Variants in CBFA2T2 observed in about 807,000 individuals in gnomAD.
The protein encoded by CBFA2T2 is protein CBFA2T2.
Under a neutral mutation model 62.2 loss-of-function variants are expected in CBFA2T2, and 11 were observed. The observed-to-expected ratio is 0.18, with a 90% CI of 0.11 to 0.29. CBFA2T2 has a LOEUF of 0.29. CBFA2T2 is among the 10% of genes least tolerant of loss of function. CBFA2T2 has a pLI of 1.00. For synonymous variants in CBFA2T2, 295 were observed against 287.5 expected (o/e 1.03, Z -0.27); for missense variants, 592 against 774.1 (o/e 0.76, Z 2.79).
rs1426753655 is a variant in CBFA2T2 at position 33,629,899 on chromosome 20, G to C, written c.1213G>C (p.Asp405His). ...VSRQHSPGSA[D>H]SLSNDSQREF... The stretch of plus-strand genomic sequence containing the variant: ...CAGGCAGCACAGCCCTGGGAGTGCA[G>C]ATTCTCTCAGCAATGGTAAGGGGAG... Residue 405 changes from aspartate to histidine, a missense_variant, in exon 8 of 11, where the codon GAT (aspartate) becomes CAT (histidine). Transcript: ENST00000342704. 1.2e-6 allele frequency: 2 copies of C among 1,612,554 alleles called. No individual in the cohort carries two copies. The highest frequency in any genetic ancestry group is 4.5e-5 in the East Asian group (2 of 44,894).
intron 1 of CBFA2T2, among the ~76,000 whole-genome samples, chr20:33,581,766 A>T (rs2146914558): frequency 6.6e-6 from 1 of 152,322 alleles, no homozygotes. Context: ...TCAAACCCAG[A>T]ATGAAAAGTT....
chr20:33,632,885 A>C (rs992952243), intron 8 of CBFA2T2, among the ~76,000 whole-genome samples: 1 of 152,140 alleles, frequency 6.6e-6, no homozygotes, highest in Admixed American at 6.5e-5. Flanking sequence ...TAGCCTCCCA[A>C]GTAGCTGAGA....
rs1394150908 is a variant in CBFA2T2 at position 33,646,890 on chromosome 20, GAATTTCAAGTCCCT to G, written c.*2250_*2263del. 1 of 141,688 alleles carries G rather than the reference GAATTTCAAGTCCCT, an allele frequency of 7.1e-6. No homozygotes were observed. The highest frequency in any genetic ancestry group is 1.5e-5 in the Non-Finnish European group (1 of 64,942). 8.8% of individuals were successfully genotyped at this position (141,688 alleles called of 1,614,324 possible). ...AAAAAAAAAAAAAGGCAAAATTAAA[GAATTTCAAGTCCCT>G]AATTTACTCTAACCAAGCATTTTCA... On this transcript the variant is annotated 3_prime_UTR_variant, in exon 11 of 11. Transcript: ENST00000342704.
intron 1 of CBFA2T2, among the ~76,000 whole-genome samples, chr20:33,492,023 C>T (rs1430575886): frequency 6.6e-6 from 1 of 152,008 alleles, no homozygotes; most frequent in Non-Finnish European, 1.5e-5. Context: ...GCTGCGATTA[C>T]AGGCGCCTGC....
intron 2 of CBFA2T2, among the ~76,000 whole-genome samples, chr20:33,607,949 A>G (rs765047847): frequency 1.3e-4 from 20 of 152,194 alleles, no homozygotes; most frequent in Admixed American, 3.9e-4. Context: ...AACACCCAAT[A>G]CAGTACCATT....
At chr20:33,552,016 T>C (rs1462897010) in intron 1 of CBFA2T2, among the ~76,000 whole-genome samples, 3 of 151,964 alleles carry the variant, frequency 2.0e-5, no homozygotes, top group African/African-American at 7.2e-5. Context: ...GACTCAAACA[T>C]CAGAATTGTT....
At chr20:33,565,138 C>T (rs1434306291) in intron 1 of CBFA2T2, among the ~76,000 whole-genome samples, 1 of 152,146 alleles carries the variant, frequency 6.6e-6, no homozygotes, top group African/African-American at 2.4e-5. Context: ...CCAGGATGGT[C>T]TCGATCTCCT....
intron 1 of CBFA2T2, among the ~76,000 whole-genome samples, chr20:33,537,821 T>C (rs1284439402): frequency 6.6e-6 from 1 of 152,226 alleles, no homozygotes. Flanking sequence ...GTGGGTCTGT[T>C]TCTGGACTCT....
chr20:33,530,331 A>C (rs2012020973), intron 1 of CBFA2T2, among the ~76,000 whole-genome samples: 1 of 152,236 alleles, frequency 6.6e-6, no homozygotes, highest in South Asian at 2.1e-4. Context: ...CCTCACTGTC[A>C]TAATGAGAGC....
chr20:33,611,043 G>T (rs185098387), intron 2 of CBFA2T2, 51 bp from the exon 3 acceptor site: 1,697 of 1,598,872 alleles, frequency 1.1e-3, no homozygotes, highest in Non-Finnish European at 1.4e-3. Context: ...ATGAACAAAG[G>T]TTCCCTTGTT....
At chr20:33,618,101 C>T (rs530146067) in intron 3 of CBFA2T2, among the ~76,000 whole-genome samples, 2 of 151,964 alleles carry the variant, frequency 1.3e-5, no homozygotes, top group East Asian at 3.9e-4. Flanking sequence ...TACCCCCTCC[C>T]TGCATAAGCA....
rs116462839 is a variant in CBFA2T2 at position 33,558,791 on chromosome 20, T to A, written c.35-48165T>A. Among the ~76,000 whole-genome samples the A allele has an allele frequency of 5.1e-3, 776 of 151,982 alleles. 6 individuals are homozygous for A. The highest frequency in any genetic ancestry group is 0.018 in the African/African-American group (733 of 41,304). On this transcript the variant is annotated intron_variant, in intron 1 of 10. Coordinates refer to ENST00000342704, the MANE Select transcript of CBFA2T2 (RefSeq NM_001032999.3). ...ATTTTGTCATTTACTAGTTGGATTA[T>A]TTCAATAGAGATCAATTTTTCGCCA...
intron 1 of CBFA2T2, among the ~76,000 whole-genome samples, chr20:33,507,876 G>A (rs1600908363): frequency 6.6e-6 from 1 of 152,128 alleles, no homozygotes; most frequent in African/African-American, 2.4e-5. Flanking sequence ...GATAGATGTT[G>A]CCAGAATACC....
intron 1 of CBFA2T2, 145 bp from the exon 2 acceptor site, chr20:33,606,811 G>C (rs539215631): frequency 1.1e-4 from 75 of 658,804 alleles, no homozygotes; most frequent in African/African-American, 1.1e-3. Context: ...CCAGATGTTG[G>C]GATGTGGACA....
In CBFA2T2 at chr20:33,509,231, G is replaced by T. The variant is rs146152711; in HGVS notation, c.34+18930G>T. On this transcript the variant is annotated intron_variant, in intron 1 of 10. Coordinates refer to ENST00000342704, the MANE Select transcript of CBFA2T2 (RefSeq NM_001032999.3). Reference sequence around the variant, plus strand: ...AAATTACAAAAATTATCTGGGTGTGGTGGCACACACCTGTAGTCCTAGCTA... The same window carrying T: ...AAATTACAAAAATTATCTGGGTGTGTTGGCACACACCTGTAGTCCTAGCTA... 6.2e-3 allele frequency among the ~76,000 whole-genome samples: 942 copies of T among 152,030 alleles called. 16 individuals carry two copies. Among genetic ancestry groups the T allele is most frequent in the African/African-American group, 0.022 (905 of 41,454 alleles).
chr20:33,535,335 G>A (rs978264840), intron 1 of CBFA2T2, among the ~76,000 whole-genome samples: 5 of 151,796 alleles, frequency 3.3e-5, no homozygotes, highest in African/African-American at 1.2e-4. Flanking sequence ...ACAAAAACTG[G>A]AAAATTTGGC....
chr20:33,644,467 A>C lies in CBFA2T2; in HGVS notation c.1609A>C (p.Asn537His). Residue 537 changes from asparagine to histidine, a missense_variant, in exon 11 of 11, where the codon AAC (asparagine) becomes CAC (histidine). Physicochemically the swap from Asn to His is moderately conservative, Grantham distance 68 (BLOSUM62 1). This residue lies in a region of CBFA2T2 where 85 missense variants were observed against 99.0 expected (regional missense o/e 0.86). Coordinates refer to ENST00000342704, the MANE Select transcript of CBFA2T2 (RefSeq NM_001032999.3). ...WERHHRLCGQ[N>H]LHGQSPHGQG... ...GCGGCACCACCGCCTCTGTGGTCAGAACCTGCATGGCCAGAGCCCCCACGG... is the reference window on the plus strand; with the variant it reads ...GCGGCACCACCGCCTCTGTGGTCAGCACCTGCATGGCCAGAGCCCCCACGG... 1.2e-6 allele frequency: 2 copies of C among 1,614,248 alleles called. No individual in the cohort carries two copies. Among genetic ancestry groups the C allele is most frequent in the Non-Finnish European group, 1.7e-6 (2 of 1,180,042 alleles).
chr20:33,586,409 C>T (rs1302612090), intron 1 of CBFA2T2, among the ~76,000 whole-genome samples: 3 of 152,072 alleles, frequency 2.0e-5, no homozygotes, highest in Non-Finnish European at 4.4e-5. Context: ...GCTGGGATTA[C>T]AGGGGTGAGC....
At chr20:33,548,359 T>A (rs1056515645) in intron 1 of CBFA2T2, among the ~76,000 whole-genome samples, 4 of 151,840 alleles carry the variant, frequency 2.6e-5, no homozygotes, top group African/African-American at 9.7e-5. Flanking sequence ...TTCTCCTCCC[T>A]CAGCCTCCCA....
Sources: gnomAD v4.1 joint callset for allele counts (sites outside exome capture counted in the v4.1 genomes callset) on GRCh38, gnomAD v4.1.1 for gene constraint, gnomAD v4.1.1 regional missense constraint, MANE v1.5 for transcripts, NCBI Gene and HGNC (gene_info 2026-07-23, HGNC 2026-07-21) for gene names.